ATP13A4: variants seen among roughly 807,000 people sequenced by gnomAD.
ATP13A4 encodes ATPase 13A4.
ATP13A4 carries 114 observed loss-of-function variants against 142.5 expected under a neutral mutation model. That is an observed-to-expected ratio of 0.80 (90% CI 0.69 to 0.93). The LOEUF is 0.93. Among genes scored for constraint, ATP13A4 ranks in the 40% least tolerant of loss-of-function variants. ATP13A4 has a pLI of 0.00. For missense variants in ATP13A4, 1,392 were observed against 1,454.0 expected, an observed-to-expected ratio of 0.96 and a Z score of 0.69; for synonymous variants, 488 against 514.8, an observed-to-expected ratio of 0.95 and a Z score of 0.70.
rs1469159091 is a variant in ATP13A4, at chr3:193,492,795, C to G, written c.533+122G>C. The G allele has an allele frequency of 1.7e-5, 13 of 768,560 alleles. No homozygotes were observed. The African/African-American group carries it at 2.3e-4, about 14-fold the overall frequency. 47.6% of individuals were successfully genotyped at this position (768,560 alleles called of 1,614,324 possible). A position where few individuals can be genotyped will look rare whatever the true frequency, so the allele number is the denominator to read the frequency against. On this transcript the variant is annotated intron_variant, in intron 5 of 29. Transcript: ENST00000342695. ...ATGTGAAAGATTTAATTTAATAATA[C>G]TAAATAGAGCATTATAATATTTTCT...
rs769278962 is a variant in ATP13A4 at position 193,448,191 on chromosome 3, T to C, written c.2152+15A>G. The C allele has an allele frequency of 1.4e-5, 23 of 1,613,860 alleles. No individual in the cohort carries two copies. The East Asian group carries it at 4.9e-4, about 34-fold the overall frequency. ...TCAAATTCTTACTGTTTTCACTGTATACTTTGTTTCATACCTGTGATCATT... is the reference window on the plus strand; with the variant it reads ...TCAAATTCTTACTGTTTTCACTGTACACTTTGTTTCATACCTGTGATCATT... On this transcript the variant is annotated intron_variant, in intron 18 of 29. Coordinates refer to ENST00000342695, the MANE Select transcript of ATP13A4 (RefSeq NM_032279.4).
At chr3:193,467,172 C>T in intron 10 of ATP13A4, 144 bp downstream of exon 10, 2 of 776,122 alleles carry the variant, frequency 2.6e-6, no homozygotes, top group Non-Finnish European at 4.0e-6. Context: ...ATATACACAG[C>T]TACTATATAC....
intron 1 of ATP13A4, among the ~76,000 whole-genome samples, chr3:193,589,089 G>A (rs1434718449): frequency 6.6e-6 from 1 of 152,158 alleles, no homozygotes; most frequent in African/African-American, 2.4e-5. Context: ...ACAGTGAGCC[G>A]AGATTGTGCC....
chr3:193,550,106 A>C (rs1342126301), intron 1 of ATP13A4, among the ~76,000 whole-genome samples: 1 of 152,182 alleles, frequency 6.6e-6, no homozygotes, highest in South Asian at 2.1e-4. Context: ...CTGTGGCATA[A>C]ATAGCACCAA....
At chr3:193,528,301 T>G (rs1443287111) in intron 1 of ATP13A4, among the ~76,000 whole-genome samples, 1 of 152,214 alleles carries the variant, frequency 6.6e-6, no homozygotes, top group African/African-American at 2.4e-5. Flanking sequence ...TTATCCAGTG[T>G]GCGAAGACTA....
chr3:193,561,177 G>A (rs1724009369), intron 2 of ATP13A4, among the ~76,000 whole-genome samples: 1 of 152,218 alleles, frequency 6.6e-6, no homozygotes, highest in Admixed American at 6.5e-5. Context: ...ACAGAATCAG[G>A]GCACTGCCTC....
intron 25 of ATP13A4, among the ~76,000 whole-genome samples, chr3:193,431,029 C>T (rs564114733): frequency 3.3e-5 from 5 of 151,912 alleles, no homozygotes; most frequent in Admixed American, 2.0e-4. Context: ...AATCACAGTA[C>T]GTTTTGGAGG....
At chr3:193,428,167 G>A (rs1172939264) in intron 25 of ATP13A4, among the ~76,000 whole-genome samples, 1 of 152,126 alleles carries the variant, frequency 6.6e-6, no homozygotes, top group Non-Finnish European at 1.5e-5. Flanking sequence ...AGACATTTAT[G>A]CAGCCAAAAG....
intron 25 of ATP13A4, 23 bp downstream of exon 25, chr3:193,433,822 A>G (rs776003512): frequency 6.3e-7 from 1 of 1,593,246 alleles, no homozygotes; most frequent in East Asian, 2.2e-5. Context: ...CACCTCTGGT[A>G]AGAAAGTTTT....
At chr3:193,580,111 T>C (rs116091504) in intron 2 of ATP13A4, among the ~76,000 whole-genome samples, 1,961 of 152,318 alleles carry the variant, frequency 0.013, 30 homozygotes, top group Non-Finnish European at 0.017. Context: ...TGTGTGTTTA[T>C]TTTATATAAA....
chr3:193,583,246 A>G (rs1325935916), intron 1 of ATP13A4, among the ~76,000 whole-genome samples: 2 of 151,572 alleles, frequency 1.3e-5, no homozygotes, highest in African/African-American at 4.8e-5. Flanking sequence ...CAGCCTGGCC[A>G]ACGTGGCGAA....
intron 2 of ATP13A4, among the ~76,000 whole-genome samples, chr3:193,569,524 T>G (rs555829596): frequency 6.6e-6 from 1 of 151,466 alleles, no homozygotes; most frequent in East Asian, 1.9e-4. Context: ...TTGGTTTTTT[T>G]GTTGTTGTTT....
chr3:193,490,480 G>C (rs1487494076), intron 6 of ATP13A4, among the ~76,000 whole-genome samples: 1 of 152,252 alleles, frequency 6.6e-6, no homozygotes, highest in Admixed American at 6.5e-5. Context: ...CATAAGTAGA[G>C]AGCTGTGCTG....
intron 24 of ATP13A4, among the ~76,000 whole-genome samples, 183 bp downstream of exon 24, chr3:193,435,465 C>T (rs2108617933): frequency 6.6e-6 from 1 of 152,230 alleles, no homozygotes; most frequent in South Asian, 2.1e-4. Flanking sequence ...ACATCAGCAA[C>T]TTTTCCTGTA....
At chr3:193,465,905 A>C in intron 11 of ATP13A4, 120 bp downstream of exon 11, 1 of 1,185,068 alleles carries the variant, frequency 8.4e-7, no homozygotes, top group Non-Finnish European at 1.2e-6. Flanking sequence ...CGTAGGCATC[A>C]GTGCTTGGTT....
At chr3:193,452,672 G>A (rs1576978072) in intron 17 of ATP13A4, among the ~76,000 whole-genome samples, 1 of 144,974 alleles carries the variant, frequency 6.9e-6, no homozygotes, top group East Asian at 2.0e-4. Context: ...ATATCCTACT[G>A]GACATTCATG....
rs1463207564 is a variant in ATP13A4, at chr3:193,423,417, T to C, written c.2843-8667A>G. 6.0e-5 allele frequency among the ~76,000 whole-genome samples: 9 copies of C among 149,414 alleles called. 1 individual carries two copies. The highest frequency in any genetic ancestry group is 2.2e-4 in the African/African-American group (9 of 40,790). ...AAAGGGCCAATATTTCTAGTAAATA[T>C]AGATGTAAAAAAAAATCCTCAGCAA... On this transcript the variant is annotated intron_variant, in intron 25 of 29. Coordinates refer to ENST00000342695, the MANE Select transcript of ATP13A4 (RefSeq NM_032279.4).
intron 21 of ATP13A4, among the ~76,000 whole-genome samples, chr3:193,439,382 G>A (rs1440471362): frequency 1.1e-4 from 17 of 152,128 alleles, no homozygotes; most frequent in Admixed American, 1.1e-3. Context: ...GAGGGCACAG[G>A]ATTTGAAACC....
chr3:193,587,277 C>T (rs1299176819), intron 1 of ATP13A4, among the ~76,000 whole-genome samples: 1 of 152,226 alleles, frequency 6.6e-6, no homozygotes, highest in Non-Finnish European at 1.5e-5. Flanking sequence ...TGCATTCCTG[C>T]TGGAGGCTCT....
Sources: gnomAD v4.1 joint callset for allele counts (sites outside exome capture counted in the v4.1 genomes callset) on GRCh38, gnomAD v4.1.1 for gene constraint, MANE v1.5 for transcripts, NCBI Gene and HGNC (gene_info 2026-07-23, HGNC 2026-07-21) for gene names.